Variants in ZNF716 observed in about 807,000 individuals in gnomAD.
ZNF716 encodes zinc finger protein 716.
ZNF716 carries 9 observed loss-of-function variants against 13.4 expected under a neutral mutation model. The observed-to-expected ratio is 0.67, with a 90% confidence interval of 0.41 to 1.18. The LOEUF is 1.18. Ranked by LOEUF, ZNF716 falls within the 50% of genes most tolerant of loss-of-function variation. The pLI is 0.01. For missense variants in ZNF716, 581 were observed against 576.6 expected (o/e 1.01, Z -0.08); for synonymous variants, 186 against 195.2 (o/e 0.95, Z 0.39).
rs572958733 is a variant in ZNF716, at chr7:57,472,212, C to T, written c.*2263C>T. 31 of 152,140 alleles carry T rather than the reference C, an allele frequency of 2.0e-4. No individual in the cohort carries two copies. Among genetic ancestry groups the T allele is most frequent in the African/African-American group, 5.8e-4 (24 of 41,492 alleles). 9.4% of individuals were successfully genotyped at this position (152,140 alleles called of 1,614,324 possible). On this transcript the variant is annotated 3_prime_UTR_variant, in exon 4 of 4. Coordinates refer to ENST00000420713, the MANE Select transcript of ZNF716 (RefSeq NM_001159279.1). ...AACATTGTTTTAGTGATGTATAAGG[C>T]GAGCGTTCAGAGTAATATTCTAAAT... is the stretch of plus-strand genomic sequence containing the variant.
rs374313833 is a variant in ZNF716, at chr7:57,458,576, C to A, written c.40-3884C>A. On this transcript the variant is annotated intron_variant, in intron 1 of 3. Coordinates refer to ENST00000420713, the MANE Select transcript of ZNF716 (RefSeq NM_001159279.1). Reference sequence around the variant, plus strand: ...TAGCGGGGATTACAGGAGCCCACCACCAGACCCGGTTAATTTTTGTGTTTT... The same window carrying A: ...TAGCGGGGATTACAGGAGCCCACCAACAGACCCGGTTAATTTTTGTGTTTT... Among the ~76,000 whole-genome samples, 8 of 152,096 alleles carry A rather than the reference C, an allele frequency of 5.3e-5. No homozygotes were observed. The East Asian group carries it at 1.5e-3, about 29-fold the overall frequency.
intron 1 of ZNF716, among the ~76,000 whole-genome samples, chr7:57,454,245 G>A (rs190065380): frequency 6.6e-6 from 1 of 152,288 alleles, no homozygotes; most frequent in East Asian, 1.9e-4. Flanking sequence ...ATGGAAATAA[G>A]TAAATGATAT....
In ZNF716 at chr7:57,462,545, G is replaced by C. The variant is rs1789727609; in HGVS notation, c.125G>C (p.Arg42Thr). 1.2e-6 allele frequency: 2 copies of C among 1,613,278 alleles called. No homozygotes were observed. Among genetic ancestry groups the C allele is most frequent in the South Asian group, 1.1e-5 (1 of 90,880 alleles). The change falls in exon 2 of 4, where the codon AGA (arginine) becomes ACA (threonine). Residue 42 changes from arginine (R) to threonine (T), a missense_variant. Transcript: ENST00000420713. Reference sequence around the variant, plus strand: ...GATCATGCTCAGCAGAATTTATATAGAGATGTGATGTTAGAGAACTACAGA... The same window carrying C: ...GATCATGCTCAGCAGAATTTATATACAGATGTGATGTTAGAGAACTACAGA... ...CLDHAQQNLY[R>T]DVMLENYRNL...
At position 57,473,122 on chromosome 7, in the gene ZNF716, A is replaced by T. The variant is rs1433508925; in HGVS notation, c.*3173A>T. ...CCATACATTTCTGAGTCTTGATTAA[A>T]TATTTTTAAAATTTTGTTTTATAAA... On this transcript the variant is annotated 3_prime_UTR_variant, in exon 4 of 4. Coordinates refer to ENST00000420713, the MANE Select transcript of ZNF716 (RefSeq NM_001159279.1). The T allele has an allele frequency of 6.6e-6, 1 of 151,174 alleles. No homozygotes were observed. Among genetic ancestry groups the T allele is most frequent in the Non-Finnish European group, 1.5e-5 (1 of 67,432 alleles). 9.4% of individuals were successfully genotyped at this position (151,174 alleles called of 1,614,324 possible).
chr7:57,450,784 C>T (rs1348155997), intron 1 of ZNF716, among the ~76,000 whole-genome samples: 2 of 152,078 alleles, frequency 1.3e-5, no homozygotes, highest in Non-Finnish European at 1.5e-5. Flanking sequence ...ATTCAAGAAT[C>T]TTAGAGCGCC....
rs2116398935 is a variant in ZNF716 at position 57,450,231 on chromosome 7, C to A, written c.-58C>A. The stretch of plus-strand genomic sequence containing the variant: ...GTCCTTCTCTTCACTGCTCTGCGTC[C>A]TCTGCTCCTGGAGGCCAAGCCTCTG... On this transcript the variant is annotated 5_prime_UTR_variant, in exon 1 of 4. Transcript: ENST00000420713. 1 of 1,611,936 alleles carries A rather than the reference C, an allele frequency of 6.2e-7. No homozygotes were observed. The highest frequency in any genetic ancestry group is 2.2e-5 in the East Asian group (1 of 44,804).
intron 3 of ZNF716, among the ~76,000 whole-genome samples, chr7:57,466,180 TATAATA>T (rs1218587439): frequency 7.7e-6 from 1 of 130,676 alleles, no homozygotes; most frequent in Non-Finnish European, 1.7e-5. Flanking sequence ...AAACTTAAAG[TATAATA>T]ATAATAAATA....
In ZNF716 at chr7:57,469,993, T is replaced by C; in HGVS notation, c.*44T>C. 2 of 1,464,522 alleles carry C rather than the reference T, an allele frequency of 1.4e-6. No homozygotes were observed. Among genetic ancestry groups the C allele is most frequent in the Non-Finnish European group, 1.8e-6 (2 of 1,106,672 alleles). 90.7% of individuals were successfully genotyped at this position (1,464,522 alleles called of 1,614,324 possible). On this transcript the variant is annotated 3_prime_UTR_variant, in exon 4 of 4. Transcript: ENST00000420713. ...TCAGGCCTTATAATACATAAAATAATTTATACTGGAAAAAATCACTACAAG... is the reference window on the plus strand; with the variant it reads ...TCAGGCCTTATAATACATAAAATAACTTATACTGGAAAAAATCACTACAAG...
Position 57,468,900 on chromosome 7 carries a change from C to T in ZNF716, c.439C>T (p.Gln147Ter), listed in dbSNP as rs531227589. ...CAAAGGAGGTTATAATTATGTTAAC[C>T]AATGTTTGTCAGCTACCCAAAACAA... ...VHKGGYNYVN[Q>*]CLSATQNKTF... Residue 147 changes from glutamine to a stop codon, truncating the protein, a stop_gained, in exon 4 of 4, where the codon CAA becomes TAA. Coordinates refer to ENST00000420713, the MANE Select transcript of ZNF716 (RefSeq NM_001159279.1). LOFTEE classifies it low-confidence loss of function (END_TRUNC). The T allele has an allele frequency of 6.2e-7, 1 of 1,610,114 alleles. No homozygotes were observed. The highest frequency in any genetic ancestry group is 2.2e-5 in the East Asian group (1 of 44,784).
At chr7:57,457,290 C>G (rs73345949) in intron 1 of ZNF716, among the ~76,000 whole-genome samples, 1,829 of 152,252 alleles carry the variant, frequency 0.012, 44 homozygotes, top group African/African-American at 0.042. Context: ...CTGTCTGTAG[C>G]ACGTCTGTGG....
chr7:57,453,465 G>C (rs961296896), intron 1 of ZNF716, among the ~76,000 whole-genome samples: 1 of 152,156 alleles, frequency 6.6e-6, no homozygotes. Flanking sequence ...TTTATCAGTA[G>C]AGCTCAATAT....
chr7:57,462,627 T>A (rs1218810620), intron 2 of ZNF716, 41 bp downstream of exon 2: 1 of 1,543,368 alleles, frequency 6.5e-7, no homozygotes, highest in Non-Finnish European at 8.8e-7. Flanking sequence ...TATATTGCCT[T>A]TCTCTCTTTT....
intron 1 of ZNF716, among the ~76,000 whole-genome samples, chr7:57,460,142 C>G (rs1554322793): frequency 6.6e-6 from 1 of 152,018 alleles, no homozygotes; most frequent in Admixed American, 6.6e-5. Flanking sequence ...AATCCGAGCA[C>G]TTAGGGAGGC....
At chr7:57,452,686 T>TA (rs1789518604) in intron 1 of ZNF716, among the ~76,000 whole-genome samples, 1 of 152,222 alleles carries the variant, frequency 6.6e-6, no homozygotes, top group Non-Finnish European at 1.5e-5. Flanking sequence ...CACTGTATTG[T>TA]AAAAAATCTC....
chr7:57,464,639 T>C (rs1789773390), intron 3 of ZNF716, among the ~76,000 whole-genome samples: 1 of 152,206 alleles, frequency 6.6e-6, no homozygotes, highest in African/African-American at 2.4e-5. Flanking sequence ...AAGCATTTGA[T>C]GGCATATCTA....
At chr7:57,462,272 CAGTT>C (rs1478768601) in intron 1 of ZNF716, 184 bp from the exon 2 acceptor site, 10 of 646,518 alleles carry the variant, frequency 1.5e-5, no homozygotes, top group African/African-American at 5.5e-5. Flanking sequence ...CCTCTTTTCT[CAGTT>C]AGAGAATACT....
At chr7:57,452,754 T>A (rs1328057904) in intron 1 of ZNF716, among the ~76,000 whole-genome samples, 1 of 152,156 alleles carries the variant, frequency 6.6e-6, no homozygotes, top group African/African-American at 2.4e-5. Flanking sequence ...GGTTGAGTTT[T>A]TTTGGGGGAA....
At position 57,463,765 on chromosome 7, in the gene ZNF716, T is replaced by G. The variant is rs539747469; in HGVS notation, c.262+597T>G. On this transcript the variant is annotated intron_variant, in intron 3 of 3. Coordinates refer to ENST00000420713, the MANE Select transcript of ZNF716 (RefSeq NM_001159279.1). ...TACCTCTTATGTCTTCATGTTACTG[T>G]GTTGCATATTTTAGACATAGATTCA... 9.2e-5 allele frequency among the ~76,000 whole-genome samples: 14 copies of G among 152,284 alleles called. No homozygotes were observed. In the South Asian group the frequency reaches 2.7e-3, roughly 29 times the overall value.
At chr7:57,466,326 G>A (rs782817407) in intron 3 of ZNF716, among the ~76,000 whole-genome samples, 8 of 152,066 alleles carry the variant, frequency 5.3e-5, no homozygotes, top group Non-Finnish European at 1.2e-4. Context: ...TTTATAATAT[G>A]GTGTAGATGG....
Sources: gnomAD v4.1 joint callset for allele counts (sites outside exome capture counted in the v4.1 genomes callset) on GRCh38, gnomAD v4.1.1 for gene constraint, MANE v1.5 for transcripts, NCBI Gene and HGNC (gene_info 2026-07-23, HGNC 2026-07-21) for gene names.